The following ITSN1 variants were observed in gnomAD, a reference collection of about 807,000 sequenced individuals.
ITSN1 encodes intersectin 1, also known as intersectin-1.
ITSN1 carries 58 observed loss-of-function variants against 239.8 expected under a neutral mutation model. The ratio of observed to expected loss-of-function variants is 0.24; its 90% CI spans 0.20 to 0.30. The LOEUF (loss-of-function observed/expected upper bound fraction) is 0.30, where lower values mean the gene tolerates loss of function less well. ITSN1 is among the 10% of genes least tolerant of loss of function. The pLI is 1.00. For synonymous variants in ITSN1, 780 were observed against 770.8 expected, an observed-to-expected ratio of 1.01 and a Z score of -0.20; for missense variants, 1,558 against 2,103.3, an observed-to-expected ratio of 0.74 and a Z score of 5.07.
At chr21:33,819,403 C>G in intron 24 of ITSN1, 80 bp downstream of exon 24, 1 of 1,012,224 alleles carries the variant, frequency 9.9e-7, no homozygotes, top group Non-Finnish European at 1.5e-6. Flanking sequence ...TGAATTTCAT[C>G]TTAAGATAGA....
At chr21:33,694,907 T>C (rs2091727037) in intron 1 of ITSN1, among the ~76,000 whole-genome samples, 1 of 152,224 alleles carries the variant, frequency 6.6e-6, no homozygotes, top group African/African-American at 2.4e-5. Context: ...CTCCAACTCC[T>C]AGGCTCCATC....
chr21:33,772,462 C>T (rs368970712), intron 12 of ITSN1, 139 bp downstream of exon 12: 30 of 1,055,284 alleles, frequency 2.8e-5, no homozygotes, highest in Non-Finnish European at 2.0e-5. Context: ...GTGCAACCAT[C>T]GTCCCTAATT....
chr21:33,662,910 C>T (rs1172523686), intron 1 of ITSN1, among the ~76,000 whole-genome samples: 1 of 152,088 alleles, frequency 6.6e-6, no homozygotes, highest in Non-Finnish European at 1.5e-5. Flanking sequence ...AGATGAGGAC[C>T]TCGAATTTGC....
intron 31 of ITSN1, 50 bp downstream of exon 31, chr21:33,858,842 T>C (rs746715034): frequency 1.1e-5 from 12 of 1,046,032 alleles, no homozygotes; most frequent in Non-Finnish European, 1.8e-5. Flanking sequence ...TCGGCTCTCA[T>C]GCACTCGCAC....
chr21:33,691,027 G>T (rs777882979), intron 1 of ITSN1, among the ~76,000 whole-genome samples: 4 of 150,700 alleles, frequency 2.7e-5, no homozygotes, highest in African/African-American at 9.8e-5. Flanking sequence ...TTCATCCTTC[G>T]TAGGCTGGTG....
chr21:33,825,608 T>G (rs2073935186), intron 25 of ITSN1, among the ~76,000 whole-genome samples: 1 of 152,202 alleles, frequency 6.6e-6, no homozygotes, highest in Non-Finnish European at 1.5e-5. Context: ...GGGAGCACAT[T>G]GAAACTACTT....
intron 8 of ITSN1, among the ~76,000 whole-genome samples, chr21:33,759,029 A>T (rs939104356): frequency 6.6e-6 from 1 of 152,242 alleles, no homozygotes; most frequent in South Asian, 2.1e-4. Flanking sequence ...AAATAGTAGA[A>T]TTACAAGAGA....
At chr21:33,646,696 C>A (rs183466146) in intron 1 of ITSN1, among the ~76,000 whole-genome samples, 1 of 152,282 alleles carries the variant, frequency 6.6e-6, no homozygotes, top group African/African-American at 2.4e-5. Context: ...GTTTTTGAGA[C>A]ACATCCACTT....
intron 21 of ITSN1, 36 bp from the exon 22 acceptor site, chr21:33,813,877 T>A (rs1602393971): frequency 1.3e-6 from 2 of 1,592,350 alleles, no homozygotes; most frequent in East Asian, 4.5e-5. Flanking sequence ...TATTAGGGAG[T>A]GCTTGTTATT....
chr21:33,868,228 C>T (rs1371858695), intron 33 of ITSN1, among the ~76,000 whole-genome samples: 1 of 152,252 alleles, frequency 6.6e-6, no homozygotes, highest in Admixed American at 6.5e-5. Flanking sequence ...CACGTCCCCA[C>T]CAGACTCAGG....
At chr21:33,709,528 C>A (rs1302210937) in intron 1 of ITSN1, among the ~76,000 whole-genome samples, 1 of 152,142 alleles carries the variant, frequency 6.6e-6, no homozygotes, top group South Asian at 2.1e-4. Context: ...GTGACTCACC[C>A]GCCTTGGCTT....
At chr21:33,649,403 T>A (rs1247571200) in intron 1 of ITSN1, among the ~76,000 whole-genome samples, 1 of 152,220 alleles carries the variant, frequency 6.6e-6, no homozygotes, top group Non-Finnish European at 1.5e-5. Flanking sequence ...GAAAGTGAAT[T>A]TTAAGCAAGT....
At chr21:33,694,191 T>C (rs1410507530) in intron 1 of ITSN1, among the ~76,000 whole-genome samples, 1 of 152,192 alleles carries the variant, frequency 6.6e-6, no homozygotes, top group African/African-American at 2.4e-5. Flanking sequence ...TGTTTTGGTC[T>C]TATTTTTGTT....
chr21:33,860,712 G>A (rs1980352322), intron 31 of ITSN1, among the ~76,000 whole-genome samples: 1 of 152,178 alleles, frequency 6.6e-6, no homozygotes, highest in South Asian at 2.1e-4. Flanking sequence ...TGGCTGCTCT[G>A]TGGATGATGC....
At chr21:33,651,927 G>A (rs1023826534) in intron 1 of ITSN1, among the ~76,000 whole-genome samples, 2 of 152,188 alleles carry the variant, frequency 1.3e-5, no homozygotes, top group Non-Finnish European at 2.9e-5. Context: ...GGTAGATGAA[G>A]TGATTAATAT....
At chr21:33,784,310 AAC>A (rs58496273) in intron 16 of ITSN1, among the ~76,000 whole-genome samples, 7,014 of 134,020 alleles carry the variant, frequency 0.052, 192 homozygotes, top group African/African-American at 0.087. Context: ...GTCTCTACAA[AAC>A]ACACACACAC....
chr21:33,838,026 T>G (rs2074686714), intron 29 of ITSN1: 1 of 985,636 alleles, frequency 1.0e-6, no homozygotes, highest in Non-Finnish European at 1.2e-6. Context: ...TCCCTGCAAT[T>G]AATTTCCAAT....
intron 32 of ITSN1, among the ~76,000 whole-genome samples, chr21:33,866,482 G>T (rs927102892): frequency 1.3e-5 from 2 of 150,998 alleles, no homozygotes; most frequent in African/African-American, 2.4e-5. Flanking sequence ...GGGCCTCATT[G>T]TCCCTCCCCG....
At chr21:33,661,583 T>C (rs892402019) in intron 1 of ITSN1, among the ~76,000 whole-genome samples, 1 of 152,184 alleles carries the variant, frequency 6.6e-6, no homozygotes, top group Non-Finnish European at 1.5e-5. Context: ...AGAGCAGGTC[T>C]TGCCTGAGTA....
Sources: allele counts gnomAD v4.1 joint callset (sites outside exome capture counted in the v4.1 genomes callset), GRCh38; gene constraint gnomAD v4.1.1; transcripts MANE v1.5; gene names NCBI Gene and HGNC (gene_info 2026-07-23, HGNC 2026-07-21).